DOCK9: variants seen among roughly 807,000 people sequenced by gnomAD.
DOCK9 encodes the protein dedicator of cytokinesis 9.
Under a neutral mutation model 263.3 loss-of-function variants are expected in DOCK9, and 89 were observed. That is an observed-to-expected ratio of 0.34 (90% CI 0.28 to 0.40). The LOEUF (loss-of-function observed/expected upper bound fraction) is 0.40. Among genes scored for constraint, DOCK9 ranks in the 10% least tolerant of loss-of-function variants. The pLI is 1.00. For synonymous variants in DOCK9, 976 were observed against 973.1 expected, an observed-to-expected ratio of 1.00 and a Z score of -0.06; for missense variants, 2,140 against 2,603.4, an observed-to-expected ratio of 0.82 and a Z score of 3.87.
chr13:98,882,451 T>C (rs1248194799), intron 23 of DOCK9, among the ~76,000 whole-genome samples: 1 of 152,182 alleles, frequency 6.6e-6, no homozygotes, highest in East Asian at 1.9e-4. Context: ...ACCAAACAAA[T>C]TTCTATTCCA....
intron 1 of DOCK9, among the ~76,000 whole-genome samples, chr13:98,956,435 T>C (rs547421452): frequency 6.9e-4 from 105 of 152,224 alleles, no homozygotes; most frequent in Non-Finnish European, 1.3e-3. Context: ...AATAGGCATA[T>C]AGAAGATGTT....
chr13:98,976,576 C>T (rs1231828760), intron 1 of DOCK9, among the ~76,000 whole-genome samples: 1 of 152,202 alleles, frequency 6.6e-6, no homozygotes, highest in African/African-American at 2.4e-5. Flanking sequence ...GAAATCCATA[C>T]AGCCTGTGAG....
intron 1 of DOCK9, among the ~76,000 whole-genome samples, chr13:99,037,586 C>T (rs1032032822): frequency 6.6e-6 from 1 of 152,124 alleles, no homozygotes; most frequent in Non-Finnish European, 1.5e-5. Context: ...ACCAGCTATA[C>T]AACCCAAACA....
In DOCK9 at chr13:98,863,228, A is replaced by G. The variant is rs2093927048; in HGVS notation, c.3466-96T>C. On this transcript the variant is annotated intron_variant, in intron 31 of 52. Transcript: ENST00000682017. ...CTCCTTTATTTGGATCCTTCCTATA[A>G]AGACAGATATTTGATTTTAGTCCCA... 3 of 1,486,294 alleles carry G rather than the reference A, an allele frequency of 2.0e-6. No individual in the cohort carries two copies. In the Admixed American group the frequency reaches 5.6e-5, roughly 28 times the overall value. The allele number at this position is 1,486,294 out of a possible 1,614,324, so 92.1% of individuals were successfully genotyped here.
At chr13:98,928,882 T>C (rs1414660426) in intron 3 of DOCK9, among the ~76,000 whole-genome samples, 3 of 152,192 alleles carry the variant, frequency 2.0e-5, no homozygotes, top group African/African-American at 7.2e-5. Context: ...TTTACTAATA[T>C]AGTGGCAAAG....
intron 1 of DOCK9, among the ~76,000 whole-genome samples, chr13:98,976,415 A>G (rs2141491678): frequency 1.3e-5 from 2 of 152,366 alleles, no homozygotes; most frequent in Middle Eastern, 3.4e-3. Flanking sequence ...ATTGCATAGC[A>G]TCTTTCTACA....
chr13:98,882,583 T>TA (rs1235583755), intron 23 of DOCK9, among the ~76,000 whole-genome samples: 1 of 152,168 alleles, frequency 6.6e-6, no homozygotes, highest in Non-Finnish European at 1.5e-5. Context: ...TCTTGCTGCT[T>TA]AGACACGCCA....
intron 47 of DOCK9, chr13:98,809,056 C>T: frequency 6.6e-7 from 1 of 1,509,580 alleles, no homozygotes. Flanking sequence ...ACTTGAAAAG[C>T]AAACTTGCAA....
At chr13:98,919,124 T>TC (rs2051409782) in intron 7 of DOCK9, among the ~76,000 whole-genome samples, 1 of 150,930 alleles carries the variant, frequency 6.6e-6, no homozygotes, top group African/African-American at 2.4e-5. Flanking sequence ...CTCTTTTTTT[T>TC]TTTGAGATGG....
chr13:98,898,221 T>C lies in DOCK9; in HGVS notation c.1544A>G (p.Gln515Arg). The stretch of plus-strand genomic sequence containing the variant: ...TGGCATTCTATACTGTCCTAGTCTT[T>C]GGCATGCCTGCTTGGCATTCTTCAG... ...KVLKNAKQAC[Q>R]RLGQYRMPFA... Residue 515 changes from glutamine to arginine, a missense_variant, in exon 14 of 53, where the codon CAA (glutamine) becomes CGA (arginine). Physicochemically the swap from Gln to Arg is conservative, Grantham distance 43 (BLOSUM62 1). Transcript: ENST00000682017. The C allele has an allele frequency of 6.2e-7, 1 of 1,612,300 alleles. No homozygotes were observed. The highest frequency in any genetic ancestry group is 1.1e-5 in the South Asian group (1 of 90,544).
chr13:98,888,759 A>T lies in DOCK9; in HGVS notation c.1710-48T>A, dbSNP rs556902250. 5 of 1,507,756 alleles carry T rather than the reference A, an allele frequency of 3.3e-6. No individual in the cohort carries two copies. In the East Asian group the frequency reaches 1.1e-4, roughly 34 times the overall value. The allele number at this position is 1,507,756 out of a possible 1,614,324, so 93.4% of individuals were successfully genotyped here. ...ATTAAACATTCGTAAGTTAACTCTA[A>T]AACCGACACTCTAGAGCAGCACTTC... On this transcript the variant is annotated intron_variant, in intron 15 of 52. Transcript: ENST00000682017.
chr13:98,794,677 A>G lies in DOCK9; in HGVS notation c.6228T>C (p.Thr2076=). The change falls in exon 53 of 53, where the codon ACT becomes ACC. Residue 2076 remains threonine, a synonymous_variant. Transcript: ENST00000682017. ...SLHIFNAISG[T]PTSTMVHGMT... is the part of the protein sequence containing the mutation. ...TCCCGTGAACCATTGTGCTTGTTGG[A>G]GTCCCACTGATGGCGTTGAAGATGT... is the stretch of plus-strand genomic sequence containing the variant. 1.2e-6 allele frequency: 2 copies of G among 1,613,760 alleles called. No homozygotes were observed. The highest frequency in any genetic ancestry group is 2.2e-5 in the South Asian group (2 of 90,982).
intron 1 of DOCK9, among the ~76,000 whole-genome samples, chr13:99,067,634 G>A (rs2041478511): frequency 6.6e-6 from 1 of 152,170 alleles, no homozygotes; most frequent in African/African-American, 2.4e-5. Context: ...ACTCCAGGCT[G>A]GTCAGTGACT....
intron 22 of DOCK9, 55 bp from the exon 23 acceptor site, chr13:98,883,186 G>T: frequency 7.1e-7 from 1 of 1,399,550 alleles, no homozygotes; most frequent in Non-Finnish European, 9.9e-7. Flanking sequence ...ACACGCTGTG[G>T]AAATAGAAGC....
rs770238787 is a variant in DOCK9 at position 98,879,945 on chromosome 13, G to T, written c.2896C>A (p.Leu966Met). 4 of 1,607,450 alleles carry T rather than the reference G, an allele frequency of 2.5e-6. No individual in the cohort carries two copies. In the Admixed American group the frequency reaches 6.9e-5, roughly 28 times the overall value. The part of the protein sequence containing the change: ...LKYSWFFFDV[L>M]IKSMAQHLIE... ...AAATGCTGAGCCATAGATTTGATCAGTACATCAAAGAAAAACCATGAGTAC... is the reference window on the plus strand; with the variant it reads ...AAATGCTGAGCCATAGATTTGATCATTACATCAAAGAAAAACCATGAGTAC... Residue 966 changes from leucine to methionine, a missense_variant, in exon 27 of 53, where the codon CTG becomes ATG. By Grantham distance (15) the Leu-to-Met change is conservative. Transcript: ENST00000682017.
chr13:98,867,203 A>T, intron 30 of DOCK9: 1 of 574,922 alleles, frequency 1.7e-6, no homozygotes, highest in South Asian at 2.0e-5. Flanking sequence ...TTTTCAATGA[A>T]ATAGCCATAC....
chr13:98,850,875 T>C (rs568304412), intron 35 of DOCK9, among the ~76,000 whole-genome samples: 9 of 152,328 alleles, frequency 5.9e-5, no homozygotes, highest in African/African-American at 2.2e-4. Context: ...CTAACCTTTT[T>C]TGCATTCTTA....
intron 45 of DOCK9, among the ~76,000 whole-genome samples, chr13:98,814,204 T>C (rs748771615): frequency 2.0e-5 from 3 of 152,232 alleles, no homozygotes; most frequent in Non-Finnish European, 4.4e-5. Context: ...GTCATAAAAG[T>C]GTCATTTGTG....
chr13:98,947,432 T>C (rs1157035909), intron 2 of DOCK9, among the ~76,000 whole-genome samples: 2 of 152,064 alleles, frequency 1.3e-5, no homozygotes, highest in African/African-American at 4.8e-5. Flanking sequence ...TCAATCACTA[T>C]TTCCTGTAAA....
Sources: allele counts gnomAD v4.1 joint callset (sites outside exome capture counted in the v4.1 genomes callset), GRCh38; gene constraint gnomAD v4.1.1; transcripts MANE v1.5; gene names NCBI Gene and HGNC (gene_info 2026-07-23, HGNC 2026-07-21).